The following INTS3 variants were observed in gnomAD, a reference collection of about 807,000 sequenced individuals.
INTS3 encodes SOSS complex subunit A.
INTS3 carries 34 observed loss-of-function variants against 146.3 expected under a neutral mutation model. The ratio of observed to expected loss-of-function variants is 0.23; its 90% CI spans 0.18 to 0.31. The LOEUF (loss-of-function observed/expected upper bound fraction) is 0.31. INTS3 is among the 10% of genes least tolerant of loss of function. INTS3 has a pLI of 1.00. For missense variants in INTS3, 757 were observed against 1,304.2 expected (o/e 0.58, Z 6.46); for synonymous variants, 475 against 494.9 (o/e 0.96, Z 0.53).
chr1:153,764,909 A>G (rs759350064), intron 19 of INTS3, 35 bp from the exon 20 acceptor site: 1 of 1,613,738 alleles, frequency 6.2e-7, no homozygotes, highest in Non-Finnish European at 8.5e-7. Context: ...CCCTGGGTAA[A>G]GTTCTGTTCC....
intron 16 of INTS3, 78 bp from the exon 17 acceptor site, chr1:153,763,754 G>T: frequency 7.4e-6 from 9 of 1,221,080 alleles, no homozygotes; most frequent in Non-Finnish European, 1.1e-5. Context: ...GAGTGTGCTT[G>T]TGCACTGTTC....
In INTS3 at chr1:153,772,587, TC is replaced by T. The variant is rs1243308275; in HGVS notation, c.2822-49del. The T allele has an allele frequency of 1.9e-6, 3 of 1,613,318 alleles. No individual in the cohort carries two copies. The highest frequency in any genetic ancestry group is 2.5e-6 in the Non-Finnish European group (3 of 1,179,690). ...AACCTGTGCGTGCTGTTTAATAAGC[TC>T]CCAGACATCTGATTGTTTTTCCTTC... On this transcript the variant is annotated intron_variant, in intron 27 of 29. Coordinates refer to ENST00000318967, the MANE Select transcript of INTS3 (RefSeq NM_023015.5). The surrounding 1 kb of genome is among the most constrained non-coding windows in gnomAD (Gnocchi z 4.6).
Position 153,757,892 on chromosome 1 carries a change from G to A in INTS3, c.1149+129G>A. On this transcript the variant is annotated intron_variant, in intron 10 of 29. Transcript: ENST00000318967. This position sits in a 1 kb window ranked among gnomAD's most constrained non-coding sequence, Gnocchi z 4.0. ...TTCTTTCACTCTGGTCTTCCAGAGT[G>A]TCTCAGCCTTCACTTCCCTTTGTGT... 1.5e-6 allele frequency: 1 copy of A among 655,572 alleles called. No homozygotes were observed. 40.6% of individuals were successfully genotyped at this position (655,572 alleles called of 1,614,324 possible). A position where few individuals can be genotyped will look rare whatever the true frequency, so the allele number is the denominator to read the frequency against.
intron 1 of INTS3, among the ~76,000 whole-genome samples, chr1:153,737,961 T>C (rs1671366169): frequency 6.6e-6 from 1 of 152,238 alleles, no homozygotes; most frequent in South Asian, 2.1e-4. Context: ...TACTTAACAG[T>C]AGATAGCAAT....
At chr1:153,746,251 A>C (rs1671730017) in intron 3 of INTS3, among the ~76,000 whole-genome samples, 1 of 152,076 alleles carries the variant, frequency 6.6e-6, no homozygotes, top group Admixed American at 6.5e-5. Flanking sequence ...TTTTGCAGTG[A>C]CCTTTTACTG....
chr1:153,750,115 A>G (rs568041230), intron 6 of INTS3, among the ~76,000 whole-genome samples: 1 of 152,358 alleles, frequency 6.6e-6, no homozygotes, highest in East Asian at 1.9e-4. Context: ...CTGTGAAAAG[A>G]AAAGGCCACA....
At chr1:153,751,726 A>G (rs1315388259) in intron 7 of INTS3, among the ~76,000 whole-genome samples, 1 of 152,150 alleles carries the variant, frequency 6.6e-6, no homozygotes, top group Non-Finnish European at 1.5e-5. Flanking sequence ...CAGTCTCCCA[A>G]AGTGTTGGGA....
intron 1 of INTS3, among the ~76,000 whole-genome samples, chr1:153,734,989 A>G (rs1570833656): frequency 6.6e-6 from 1 of 152,078 alleles, no homozygotes; most frequent in Admixed American, 6.6e-5. Context: ...TTTGTTTGAG[A>G]CAAGGTCTTG....
At chr1:153,739,834 G>T (rs566813596) in intron 1 of INTS3, among the ~76,000 whole-genome samples, 2 of 148,200 alleles carry the variant, frequency 1.3e-5, no homozygotes, top group East Asian at 4.0e-4. Context: ...TCGCTCTGTC[G>T]CCCAGGCTGG....
intron 15 of INTS3, 73 bp downstream of exon 15, chr1:153,762,920 C>G: frequency 6.4e-7 from 1 of 1,568,504 alleles, no homozygotes; most frequent in Non-Finnish European, 8.7e-7. Context: ...AGCAGCCTCT[C>G]TGCACTCTTC....
intron 1 of INTS3, among the ~76,000 whole-genome samples, chr1:153,731,086 G>A (rs1399650440): frequency 6.6e-6 from 1 of 152,124 alleles, no homozygotes; most frequent in Admixed American, 6.6e-5. Context: ...ACTGTGTGCT[G>A]GGTCTGATAG....
In INTS3 at chr1:153,765,061, C is replaced by G. The variant is rs200628059; in HGVS notation, c.2088C>G (p.Ala696=). ...IGYHLLYYLR[A]SKAAAGKMNL... ...ACCACCTGCTCTACTACCTGAGGGC[C>G]AGGTGGGTATGGTCCCCATGTTTCA... is the stretch of plus-strand genomic sequence containing the variant. The change falls in exon 20 of 30, where the codon GCC becomes GCG. Residue 696 remains alanine (A), a splice_region_variant and synonymous_variant. Coordinates refer to ENST00000318967, the MANE Select transcript of INTS3 (RefSeq NM_023015.5). 100 of 1,614,120 alleles carry G rather than the reference C, an allele frequency of 6.2e-5. No homozygotes were observed. The East Asian group carries it at 1.1e-3, about 18-fold the overall frequency.
intron 1 of INTS3, among the ~76,000 whole-genome samples, chr1:153,740,018 C>A (rs1198031783): frequency 6.6e-6 from 1 of 151,872 alleles, no homozygotes; most frequent in East Asian, 1.9e-4. Flanking sequence ...TCAGGCTGGT[C>A]TTAAACTCCT....
chr1:153,739,345 G>A (rs895449564), intron 1 of INTS3, among the ~76,000 whole-genome samples: 5 of 151,718 alleles, frequency 3.3e-5, no homozygotes, highest in Admixed American at 6.6e-5. Flanking sequence ...GATTACAGGC[G>A]TGAGCCACCG....
In INTS3 at chr1:153,728,104, C is replaced by T. The variant is rs898784877; in HGVS notation, c.-531C>T. On this transcript the variant is annotated 5_prime_UTR_variant, in exon 1 of 30. The change creates a new upstream start codon in the 5' untranslated region. Transcript: ENST00000318967. ...GCCGCTTCTGTGTGGTGTGGGGAGA[C>T]GCTGGTCCTCCCCGTCCTCCCATAG... 6.1e-5 allele frequency: 19 copies of T among 313,072 alleles called. No homozygotes were observed. The highest frequency in any genetic ancestry group is 3.5e-4 in the African/African-American group (15 of 42,938). 19.4% of individuals were successfully genotyped at this position (313,072 alleles called of 1,614,324 possible). A position where few individuals can be genotyped will look rare whatever the true frequency, so the allele number is the denominator to read the frequency against.
chr1:153,771,826 G>A lies in INTS3; in HGVS notation c.2583G>A (p.Leu861=), dbSNP rs947544666. 1.9e-6 allele frequency: 3 copies of A among 1,613,958 alleles called. No homozygotes were observed. The highest frequency in any genetic ancestry group is 2.5e-6 in the Non-Finnish European group (3 of 1,179,950). ...KPSEEMVKMV[L]SRPCHPDDQF... is the part of the protein sequence containing the mutation. ...GCGAGGAGATGGTGAAGATGGTGCT[G>A]AGCCGGCCCTGCCATCCTGACGACC... The change falls in exon 26 of 30, where the codon CTG becomes CTA. Residue 861 remains leucine (L), a synonymous_variant. Transcript: ENST00000318967.
chr1:153,734,688 G>A (rs1000527771), intron 1 of INTS3, among the ~76,000 whole-genome samples: 3 of 152,172 alleles, frequency 2.0e-5, no homozygotes, highest in Non-Finnish European at 4.4e-5. Context: ...CTAGCCCTTT[G>A]TGTAGCCAGC....
At chr1:153,745,774 G>A (rs1210773663) in intron 3 of INTS3, among the ~76,000 whole-genome samples, 1 of 151,996 alleles carries the variant, frequency 6.6e-6, no homozygotes, top group Non-Finnish European at 1.5e-5. Context: ...TTTTCAATAA[G>A]TGGCAGAAGG....
chr1:153,730,987 C>T (rs531142504), intron 1 of INTS3, among the ~76,000 whole-genome samples: 12 of 152,044 alleles, frequency 7.9e-5, no homozygotes, highest in Admixed American at 2.6e-4. Context: ...GATCGACTGA[C>T]CTCTGCTTGT....
Sources: gnomAD v4.1 joint callset for allele counts (sites outside exome capture counted in the v4.1 genomes callset) on GRCh38, gnomAD v4.1.1 for gene constraint, Gnocchi (gnomAD v3.1) non-coding constraint, MANE v1.5 for transcripts, NCBI Gene and HGNC (gene_info 2026-07-23, HGNC 2026-07-21) for gene names.